SAMD12: variants seen among roughly 807,000 people sequenced by gnomAD.
SAMD12 encodes sterile alpha motif domain-containing protein 12.
SAMD12 carries 9 observed loss-of-function variants against 15.0 expected under a neutral mutation model. The ratio of observed to expected loss-of-function variants is 0.60; its 90% CI spans 0.36 to 1.05. The LOEUF is 1.05. Among genes scored for constraint, SAMD12 ranks in the 50% least tolerant of loss-of-function variants. SAMD12 has a pLI of 0.01. For synonymous variants in SAMD12, 86 were observed against 90.1 expected, an observed-to-expected ratio of 0.96 and a Z score of 0.25; for missense variants, 230 against 234.2, an observed-to-expected ratio of 0.98 and a Z score of 0.12.
intron 2 of SAMD12, among the ~76,000 whole-genome samples, chr8:118,517,303 C>G (rs1825270722): frequency 6.6e-6 from 1 of 152,168 alleles, no homozygotes; most frequent in Non-Finnish European, 1.5e-5. Flanking sequence ...GTTCAAAGGT[C>G]AATCACAGTT....
At chr8:118,434,089 G>A (rs1373271257) in intron 3 of SAMD12, among the ~76,000 whole-genome samples, 1 of 152,152 alleles carries the variant, frequency 6.6e-6, no homozygotes, top group Non-Finnish European at 1.5e-5. Context: ...GCAAATGCAT[G>A]GAGCCACATT....
At chr8:118,567,374 C>T (rs1256423245) in intron 2 of SAMD12, among the ~76,000 whole-genome samples, 1 of 152,098 alleles carries the variant, frequency 6.6e-6, no homozygotes, top group Non-Finnish European at 1.5e-5. Context: ...TGTTCTAGTT[C>T]TGGCCTGTTA....
intron 3 of SAMD12, among the ~76,000 whole-genome samples, chr8:118,404,999 A>G (rs1821058414): frequency 6.6e-6 from 1 of 152,106 alleles, no homozygotes; most frequent in Non-Finnish European, 1.5e-5. Flanking sequence ...CTGAACCTGT[A>G]CTTTCTTTCA....
intron 4 of SAMD12, among the ~76,000 whole-genome samples, chr8:118,234,753 T>TAAATA (rs1211090723): frequency 2.1e-5 from 3 of 144,548 alleles, no homozygotes; most frequent in African/African-American, 7.6e-5. Flanking sequence ...AAGGAAGCAA[T>TAAATA]AAATAATACA....
chr8:118,520,550 C>T (rs1246290289), intron 2 of SAMD12, among the ~76,000 whole-genome samples: 1 of 152,130 alleles, frequency 6.6e-6, no homozygotes, highest in Non-Finnish European at 1.5e-5. Flanking sequence ...AAGGAATGTA[C>T]ATGAATTAAC....
At chr8:118,570,714 T>C (rs1826986749) in intron 2 of SAMD12, among the ~76,000 whole-genome samples, 1 of 148,984 alleles carries the variant, frequency 6.7e-6, no homozygotes, top group African/African-American at 2.6e-5. Flanking sequence ...TCTGGGTATA[T>C]TATACCCAGT....
At chr8:118,249,540 A>C (rs1812772767) in intron 4 of SAMD12, among the ~76,000 whole-genome samples, 1 of 152,192 alleles carries the variant, frequency 6.6e-6, no homozygotes, top group Non-Finnish European at 1.5e-5. Context: ...AGCTGACTTT[A>C]TGTACGTATG....
chr8:118,605,210 C>T (rs1827957213), intron 1 of SAMD12, among the ~76,000 whole-genome samples: 1 of 152,146 alleles, frequency 6.6e-6, no homozygotes, highest in Non-Finnish European at 1.5e-5. Context: ...GGGATGATAC[C>T]TTTTCAAACT....
intron 4 of SAMD12, among the ~76,000 whole-genome samples, chr8:118,212,090 G>T (rs963302616): frequency 7.0e-6 from 1 of 143,346 alleles, no homozygotes; most frequent in Non-Finnish European, 1.6e-5. Flanking sequence ...GTGTTTGTGT[G>T]AACTACTATA....
chr8:118,593,133 T>TA, intron 1 of SAMD12, among the ~76,000 whole-genome samples: 1 of 152,238 alleles, frequency 6.6e-6, no homozygotes, highest in Admixed American at 6.5e-5. Context: ...TATGCATGTG[T>TA]ATATGTGCAT....
chr8:118,346,972 C>T (rs1563781918), intron 4 of SAMD12, among the ~76,000 whole-genome samples: 1 of 152,204 alleles, frequency 6.6e-6, no homozygotes, highest in Non-Finnish European at 1.5e-5. Context: ...GGTGCAGTTA[C>T]AGCTCACTGC....
chr8:118,530,847 G>A (rs1395242606), intron 2 of SAMD12, among the ~76,000 whole-genome samples: 1 of 152,104 alleles, frequency 6.6e-6, no homozygotes, highest in Non-Finnish European at 1.5e-5. Flanking sequence ...TTACAGGTAA[G>A]TCATTCTCCC....
intron 4 of SAMD12, among the ~76,000 whole-genome samples, chr8:118,225,099 A>G (rs1185073794): frequency 6.6e-6 from 1 of 152,210 alleles, no homozygotes; most frequent in Non-Finnish European, 1.5e-5. Flanking sequence ...CTCCTGCCCT[A>G]TGCTTATAGA....
At chr8:118,479,546 C>A (rs892030566) in intron 2 of SAMD12, among the ~76,000 whole-genome samples, 3 of 152,134 alleles carry the variant, frequency 2.0e-5, no homozygotes, top group Non-Finnish European at 4.4e-5. Flanking sequence ...TATCTCCCAC[C>A]GGGTCCCTCC....
intron 3 of SAMD12, among the ~76,000 whole-genome samples, chr8:118,426,739 C>A (rs1822246784): frequency 6.6e-6 from 1 of 152,042 alleles, no homozygotes; most frequent in South Asian, 2.1e-4. Context: ...TGGTGCTGTT[C>A]TGTGATGAAA....
intron 2 of SAMD12, among the ~76,000 whole-genome samples, chr8:118,503,801 C>T (rs763074724): frequency 6.6e-6 from 1 of 152,138 alleles, no homozygotes; most frequent in Non-Finnish European, 1.5e-5. Flanking sequence ...TTAAAATAAA[C>T]ACTCAAAGCA....
chr8:118,214,583 C>G (rs776528981), intron 4 of SAMD12, among the ~76,000 whole-genome samples: 1 of 152,202 alleles, frequency 6.6e-6, no homozygotes, highest in Non-Finnish European at 1.5e-5. Flanking sequence ...AAGCAGGAAG[C>G]ATTTTCACAG....
In SAMD12 at chr8:118,266,752, A is replaced by T. The variant is rs544937137; in HGVS notation, c.434-69020T>A. On this transcript the variant is annotated intron_variant, in intron 4 of 4. Coordinates refer to the SAMD12 transcript ENST00000409003. ...ACAGCCACAGAAAGATAAATACTGC[A>T]TGATCTCTCTTATTTGTGGAATTAA... Among the ~76,000 whole-genome samples the T allele has an allele frequency of 4.6e-5, 7 of 152,290 alleles. No individual in the cohort carries two copies. In the East Asian group the frequency reaches 1.4e-3, roughly 29 times the overall value.
chr8:118,495,201 G>T (rs1824573899), intron 2 of SAMD12, among the ~76,000 whole-genome samples: 1 of 152,178 alleles, frequency 6.6e-6, no homozygotes, highest in South Asian at 2.1e-4. Flanking sequence ...AGAAGCAATT[G>T]TGTCAACTGA....
Sources: allele counts gnomAD v4.1 joint callset (sites outside exome capture counted in the v4.1 genomes callset), GRCh38; gene constraint gnomAD v4.1.1; transcripts MANE v1.5; gene names NCBI Gene and HGNC (gene_info 2026-07-23, HGNC 2026-07-21).